The following TBC1D22A variants were observed in gnomAD, a reference collection of about 807,000 sequenced individuals.
TBC1D22A encodes the protein TBC1 domain family member 22A.
TBC1D22A carries 38 observed loss-of-function variants against 60.2 expected under a neutral mutation model. The ratio of observed to expected loss-of-function variants is 0.63; its 90% CI spans 0.49 to 0.83. The LOEUF is 0.83. Among genes scored for constraint, TBC1D22A ranks in the 40% least tolerant of loss-of-function variants. TBC1D22A has a pLI of 0.00. For missense variants in TBC1D22A, 628 were observed against 701.0 expected (o/e 0.90, Z 1.18); for synonymous variants, 302 against 281.7 (o/e 1.07, Z -0.72).
intron 4 of TBC1D22A, among the ~76,000 whole-genome samples, chr22:46,808,155 C>T (rs1278456386): frequency 6.6e-6 from 1 of 151,996 alleles, no homozygotes; most frequent in African/African-American, 2.4e-5. Flanking sequence ...GTCAGGAGTT[C>T]GAGACCAGCC....
chr22:46,791,265 G>T (rs192206134), intron 1 of TBC1D22A, among the ~76,000 whole-genome samples: 1 of 152,252 alleles, frequency 6.6e-6, no homozygotes, highest in Non-Finnish European at 1.5e-5. Context: ...CAAGCGATCC[G>T]CCCACCTCGG....
chr22:47,055,120 T>G (rs1383247032), intron 11 of TBC1D22A, among the ~76,000 whole-genome samples: 6 of 152,218 alleles, frequency 3.9e-5, no homozygotes, highest in Non-Finnish European at 7.3e-5. Context: ...GGGTACTTGC[T>G]CCCTCCTGGG....
chr22:47,119,599 T>A (rs973321128), intron 12 of TBC1D22A, among the ~76,000 whole-genome samples: 1 of 151,644 alleles, frequency 6.6e-6, no homozygotes, highest in East Asian at 1.9e-4. Context: ...TGGGTTCAAG[T>A]GATTCTCCTG....
intron 4 of TBC1D22A, among the ~76,000 whole-genome samples, chr22:46,836,706 C>T (rs1344114753): frequency 1.3e-5 from 2 of 151,896 alleles, no homozygotes; most frequent in Non-Finnish European, 2.9e-5. Flanking sequence ...ATTAAAAAAA[C>T]AAGATCCAAC....
At chr22:46,784,287 G>T (rs968404742) in intron 1 of TBC1D22A, among the ~76,000 whole-genome samples, 4 of 152,026 alleles carry the variant, frequency 2.6e-5, no homozygotes, top group Non-Finnish European at 5.9e-5. Flanking sequence ...CAAGTGATCC[G>T]CCTGCCTGGT....
Position 47,170,583 on chromosome 22 carries a change from C to T in TBC1D22A, c.1426-2915C>T, listed in dbSNP as rs144565883. Among the ~76,000 whole-genome samples, 400 of 152,182 alleles carry T rather than the reference C, an allele frequency of 2.6e-3. 4 individuals carry two copies. Among genetic ancestry groups the T allele is most frequent in the Non-Finnish European group, 4.6e-3 (315 of 68,002 alleles). ...AGTGGGGGTGGAAGCCCAGCAACTG[C>T]GAAATAGCAATTGGAAGACGGTCCT... On this transcript the variant is annotated intron_variant, in intron 12 of 12. Transcript: ENST00000337137.
Position 46,816,978 on chromosome 22 carries a change from G to A in TBC1D22A, c.637+19358G>A, listed in dbSNP as rs148670341. Among the ~76,000 whole-genome samples, 533 of 152,230 alleles carry A rather than the reference G, an allele frequency of 3.5e-3. 4 individuals carry two copies. Among genetic ancestry groups the A allele is most frequent in the Admixed American group, 0.027 (410 of 15,290 alleles). On this transcript the variant is annotated intron_variant, in intron 4 of 12. Coordinates refer to ENST00000337137, the MANE Select transcript of TBC1D22A (RefSeq NM_014346.5). ...GTCCTTTTCACATAGGCAAAATGCTGATGTTCGAACATTAAAGACTTCCAG... is the reference window on the plus strand; with the variant it reads ...GTCCTTTTCACATAGGCAAAATGCTAATGTTCGAACATTAAAGACTTCCAG...
chr22:46,765,761 C>T (rs2083259824), intron 1 of TBC1D22A, among the ~76,000 whole-genome samples: 1 of 148,788 alleles, frequency 6.7e-6, no homozygotes, highest in African/African-American at 2.5e-5. Context: ...GCCTCCATGC[C>T]TGGCCTTGTT....
intron 1 of TBC1D22A, among the ~76,000 whole-genome samples, chr22:46,767,877 CGTG>C (rs1386209376): frequency 9.9e-5 from 15 of 151,828 alleles, no homozygotes; most frequent in Non-Finnish European, 1.3e-4. Flanking sequence ...AGGGGAGAGT[CGTG>C]GGGTGCGTCA....
chr22:47,005,942 A>G (rs760772112), intron 10 of TBC1D22A, among the ~76,000 whole-genome samples: 8 of 151,530 alleles, frequency 5.3e-5, no homozygotes, highest in Non-Finnish European at 8.8e-5. Context: ...ACACCCTTAT[A>G]TATACACACC....
chr22:46,801,546 G>T (rs1302142049), intron 4 of TBC1D22A, among the ~76,000 whole-genome samples: 1 of 152,242 alleles, frequency 6.6e-6, no homozygotes, highest in Non-Finnish European at 1.5e-5. Flanking sequence ...CACAAAGACT[G>T]CCTGCTTTGA....
At chr22:47,157,128 T>G (rs999395187) in intron 12 of TBC1D22A, among the ~76,000 whole-genome samples, 37 of 152,316 alleles carry the variant, frequency 2.4e-4, no homozygotes, top group African/African-American at 5.3e-4. Context: ...GTGGGGGTGA[T>G]TCGTCTCCTT....
intron 8 of TBC1D22A, among the ~76,000 whole-genome samples, chr22:46,951,374 C>T (rs905308345): frequency 1.4e-4 from 22 of 152,162 alleles, no homozygotes; most frequent in African/African-American, 4.8e-4. Context: ...GGCCGGGCAG[C>T]AGTGTCTAAT....
chr22:46,930,342 G>C (rs1177201376), intron 8 of TBC1D22A, among the ~76,000 whole-genome samples: 1 of 152,212 alleles, frequency 6.6e-6, no homozygotes, highest in Non-Finnish European at 1.5e-5. Flanking sequence ...GTTGGGTTAG[G>C]TTTTAAAGTG....
At chr22:46,832,311 C>T (rs2086344748) in intron 4 of TBC1D22A, among the ~76,000 whole-genome samples, 1 of 152,186 alleles carries the variant, frequency 6.6e-6, no homozygotes, top group African/African-American at 2.4e-5. Context: ...TTAATTGTGT[C>T]CCAGAAAGTT....
chr22:46,770,123 G>A (rs2083435830), intron 1 of TBC1D22A, among the ~76,000 whole-genome samples: 1 of 152,226 alleles, frequency 6.6e-6, no homozygotes, highest in African/African-American at 2.4e-5. Flanking sequence ...AACCTCACGA[G>A]CTTTTGGACG....
intron 9 of TBC1D22A, among the ~76,000 whole-genome samples, chr22:46,980,156 G>T (rs946119397): frequency 3.3e-5 from 5 of 152,178 alleles, no homozygotes; most frequent in African/African-American, 7.2e-5. Context: ...TTAAAATAAA[G>T]ACTCTGAAGA....
At chr22:47,164,460 G>A in intron 12 of TBC1D22A, among the ~76,000 whole-genome samples, 1 of 152,178 alleles carries the variant, frequency 6.6e-6, no homozygotes, top group Non-Finnish European at 1.5e-5. Context: ...GTTTTTCGGC[G>A]AGGGTCCCAG....
intron 10 of TBC1D22A, among the ~76,000 whole-genome samples, chr22:46,999,963 C>G (rs145295582): frequency 6.6e-6 from 1 of 152,014 alleles, no homozygotes; most frequent in East Asian, 1.9e-4. Context: ...AGGCGGAGCT[C>G]GCAGTGAGCC....
Sources: gnomAD v4.1 joint callset for allele counts (sites outside exome capture counted in the v4.1 genomes callset) on GRCh38, gnomAD v4.1.1 for gene constraint, MANE v1.5 for transcripts, NCBI Gene and HGNC (gene_info 2026-07-23, HGNC 2026-07-21) for gene names.